The following ZNF440 variants were observed in gnomAD, a reference collection of about 807,000 sequenced individuals.
ZNF440 encodes zinc finger protein 440.
In ZNF440, 47 loss-of-function variants were observed where a neutral mutation model predicts 49.7. The ratio of observed to expected loss-of-function variants is 0.95; its 90% CI spans 0.75 to 1.21. The LOEUF is 1.21. Ranked by LOEUF, ZNF440 falls within the 50% of genes most tolerant of loss-of-function variation. ZNF440 has a pLI of 0.00. For synonymous variants in ZNF440, 255 were observed against 237.7 expected (o/e 1.07, Z -0.67); for missense variants, 703 against 715.0 (o/e 0.98, Z 0.19).
At chr19:11,830,064 C>A in intron 1 of ZNF440, 1 of 886,366 alleles carries the variant, frequency 1.1e-6, no homozygotes, top group Non-Finnish European at 1.6e-6. Context: ...GAGCCGAGAT[C>A]ATGCCATTGC....
intron 1 of ZNF440, among the ~76,000 whole-genome samples, chr19:11,818,074 A>G (rs181947213): frequency 2.0e-5 from 3 of 152,002 alleles, no homozygotes; most frequent in East Asian, 1.9e-4. Flanking sequence ...GCATGGTGGC[A>G]TGTGCCTGTG....
chr19:11,826,303 C>A (rs378030), intron 1 of ZNF440, among the ~76,000 whole-genome samples: 57,560 of 151,196 alleles, frequency 0.38, 11,318 homozygotes, highest in African/African-American at 0.47. Context: ...TGGTAGATAC[C>A]GTGTGAGACC....
intron 1 of ZNF440, among the ~76,000 whole-genome samples, chr19:11,815,284 TCACACACACACACACA>T (rs3223082): frequency 2.6e-4 from 32 of 121,130 alleles, no homozygotes; most frequent in African/African-American, 5.4e-4. Context: ...GGCAACTCCG[TCACACACACACACACA>T]CACACACACA....
intron 1 of ZNF440, among the ~76,000 whole-genome samples, chr19:11,827,212 T>C (rs2545812): frequency 0.38 from 57,360 of 151,548 alleles, 11,265 homozygotes; most frequent in African/African-American, 0.46. Context: ...TACAGGCTCA[T>C]GCCACCAGGC....
Position 11,832,934 on chromosome 19 carries a change from C to T in ZNF440, c.1758C>T (p.Phe586=), listed in dbSNP as rs745403018. The change falls in exon 4 of 4, where the codon TTC becomes TTT. Residue 586 remains phenylalanine, a synonymous_variant. Coordinates refer to ENST00000304060, the MANE Select transcript of ZNF440 (RefSeq NM_152357.3). The part of the protein sequence containing the change: ...VGNPSDLPRT[F]EFMKGHKHT Reference sequence around the variant, plus strand: ...ACCCTTCGGATCTGCCCAGAACCTTCGAATTCATGAAAGGACACAAACACA... The same window carrying T: ...ACCCTTCGGATCTGCCCAGAACCTTTGAATTCATGAAAGGACACAAACACA... 7.5e-6 allele frequency: 12 copies of T among 1,608,884 alleles called. No individual in the cohort carries two copies. Among genetic ancestry groups the T allele is most frequent in the South Asian group, 4.4e-5 (4 of 90,492 alleles).
intron 1 of ZNF440, among the ~76,000 whole-genome samples, chr19:11,823,084 T>A (rs1975818968): frequency 6.6e-6 from 1 of 152,130 alleles, no homozygotes; most frequent in Non-Finnish European, 1.5e-5. Context: ...GAAGTCCATG[T>A]TCAGGGAGCT....
chr19:11,815,326 A>ACAC (rs1568237555), intron 1 of ZNF440, among the ~76,000 whole-genome samples: 7 of 150,478 alleles, frequency 4.7e-5, no homozygotes, highest in South Asian at 4.2e-4. Context: ...ACACACACAC[A>ACAC]AATTAAATAG....
intron 1 of ZNF440, among the ~76,000 whole-genome samples, chr19:11,821,542 G>C (rs760279410): frequency 6.6e-6 from 1 of 152,120 alleles, no homozygotes; most frequent in Non-Finnish European, 1.5e-5. Context: ...ACCCCAGCAG[G>C]GTGGACCAGT....
chr19:11,818,658 C>T (rs190293998), intron 1 of ZNF440, among the ~76,000 whole-genome samples: 57 of 152,154 alleles, frequency 3.7e-4, no homozygotes, highest in South Asian at 1.7e-3. Flanking sequence ...CAAGCACCTC[C>T]GCCTCCCAAG....
At chr19:11,828,483 C>T (rs555971893) in intron 1 of ZNF440, among the ~76,000 whole-genome samples, 18 of 152,236 alleles carry the variant, frequency 1.2e-4, no homozygotes, top group Admixed American at 2.6e-4. Flanking sequence ...CCATGCCTGG[C>T]TGCTACCATG....
chr19:11,823,000 G>A (rs559950900), intron 1 of ZNF440, among the ~76,000 whole-genome samples: 6 of 152,148 alleles, frequency 3.9e-5, no homozygotes, highest in South Asian at 4.2e-4. Context: ...GTCATCTTGG[G>A]CTGCTATATC....
intron 3 of ZNF440, among the ~76,000 whole-genome samples, chr19:11,830,927 A>T (rs1975929016): frequency 6.6e-6 from 1 of 152,196 alleles, no homozygotes. Context: ...TGGGCAACAT[A>T]ACGAGACCAC....
chr19:11,826,788 C>G (rs992596202), intron 1 of ZNF440, among the ~76,000 whole-genome samples: 2 of 151,468 alleles, frequency 1.3e-5, no homozygotes, highest in Non-Finnish European at 2.9e-5. Flanking sequence ...CTCAGACTCC[C>G]GAATAGCTGG....
Position 11,832,432 on chromosome 19 carries a change from C to T in ZNF440, c.1256C>T (p.Thr419Ile). ...CTTCGAGTGCATGGTAGGACTCACA[C>T]TGGAGAGAAACCGTATGAATGTAAG... ...SHLRVHGRTH[T>I]GEKPYECKEC... The change falls in exon 4 of 4, where the codon ACT becomes ATT. Residue 419 changes from threonine to isoleucine, a missense_variant. By Grantham distance (89) the Thr-to-Ile change is moderately conservative. Transcript: ENST00000304060. 6.2e-7 allele frequency: 1 copy of T among 1,613,370 alleles called. No homozygotes were observed. Among genetic ancestry groups the T allele is most frequent in the Non-Finnish European group, 8.5e-7 (1 of 1,179,790 alleles).
At chr19:11,825,509 G>T (rs1599293093) in intron 1 of ZNF440, among the ~76,000 whole-genome samples, 1 of 152,090 alleles carries the variant, frequency 6.6e-6, no homozygotes, top group Non-Finnish European at 1.5e-5. Flanking sequence ...TGATGTTCCT[G>T]CCTCTAGAGT....
chr19:11,822,928 C>A (rs117876952), intron 1 of ZNF440, among the ~76,000 whole-genome samples: 1 of 150,724 alleles, frequency 6.6e-6, no homozygotes. Flanking sequence ...ATACCATTTT[C>A]TCTTAATTAG....
intron 1 of ZNF440, among the ~76,000 whole-genome samples, chr19:11,820,334 A>C (rs187843883): frequency 6.6e-6 from 1 of 152,086 alleles, no homozygotes; most frequent in Non-Finnish European, 1.5e-5. Context: ...CTCCTGCCTC[A>C]GCCTCCCGAG....
intron 1 of ZNF440, among the ~76,000 whole-genome samples, chr19:11,818,301 T>C (rs1975757583): frequency 6.6e-6 from 1 of 152,160 alleles, no homozygotes; most frequent in Non-Finnish European, 1.5e-5. Context: ...TCTGTTGTTG[T>C]GGGAGTGTAA....
At chr19:11,825,221 T>C (rs1322870687) in intron 1 of ZNF440, among the ~76,000 whole-genome samples, 1 of 152,064 alleles carries the variant, frequency 6.6e-6, no homozygotes, top group Non-Finnish European at 1.5e-5. Context: ...AGAAACCATA[T>C]TGACTTTGTG....
Sources: gnomAD v4.1 joint callset for allele counts (sites outside exome capture counted in the v4.1 genomes callset) on GRCh38, gnomAD v4.1.1 for gene constraint, MANE v1.5 for transcripts, NCBI Gene and HGNC (gene_info 2026-07-23, HGNC 2026-07-21) for gene names.